Variants in CCDC7 observed in about 807,000 individuals in gnomAD.
The protein encoded by CCDC7 is coiled-coil domain-containing protein 7.
A neutral mutation model predicts 196.9 loss-of-function variants in CCDC7; 183 were observed. That is an observed-to-expected ratio of 0.93 (90% CI 0.82 to 1.05). The LOEUF is 1.05. CCDC7 is among the 50% of genes least tolerant of loss of function. The probability of loss-of-function intolerance (pLI) is 0.00; values close to 1 mark genes in which losing one functional copy is unlikely to be tolerated. For missense variants in CCDC7, 1,540 were observed against 1,482.2 expected (o/e 1.04, Z -0.64); for synonymous variants, 525 against 484.6 (o/e 1.08, Z -1.10).
At chr10:32,781,650 C>G (rs1372635311) in intron 29 of CCDC7, among the ~76,000 whole-genome samples, 1 of 152,136 alleles carries the variant, frequency 6.6e-6, no homozygotes, top group Non-Finnish European at 1.5e-5. Flanking sequence ...TAGAGCACTT[C>G]CACATCATGA....
At chr10:32,614,098 G>A (rs1337649803) in intron 18 of CCDC7, among the ~76,000 whole-genome samples, 1 of 152,056 alleles carries the variant, frequency 6.6e-6, no homozygotes, top group Non-Finnish European at 1.5e-5. Context: ...TCCTGTATTG[G>A]GTGAATATAT....
chr10:32,626,560 A>G (rs2064077346), intron 18 of CCDC7, among the ~76,000 whole-genome samples: 1 of 151,886 alleles, frequency 6.6e-6, no homozygotes, highest in Non-Finnish European at 1.5e-5. Flanking sequence ...GAAACTTTTC[A>G]ATTTTATGTA....
chr10:32,741,820 T>C (rs1429352968), intron 28 of CCDC7, among the ~76,000 whole-genome samples: 1 of 152,238 alleles, frequency 6.6e-6, no homozygotes, highest in African/African-American at 2.4e-5. Flanking sequence ...TGTGTGATTT[T>C]GTCAATATTT....
intron 30 of CCDC7, among the ~76,000 whole-genome samples, chr10:32,812,477 T>C (rs2087376793): frequency 6.6e-6 from 1 of 152,080 alleles, no homozygotes; most frequent in Admixed American, 6.5e-5. Context: ...GGAATACAGC[T>C]ATATGGGAGT....
chr10:32,797,253 A>G (rs190254091), intron 29 of CCDC7, among the ~76,000 whole-genome samples: 17 of 150,978 alleles, frequency 1.1e-4, no homozygotes, highest in Admixed American at 1.1e-3. Flanking sequence ...GCGTATATAT[A>G]TGTGTGTATA....
At chr10:32,684,402 G>T (rs2076226556) in intron 21 of CCDC7, among the ~76,000 whole-genome samples, 1 of 152,106 alleles carries the variant, frequency 6.6e-6, no homozygotes, top group Admixed American at 6.5e-5. Context: ...GATCTCTTGT[G>T]CCTAGGTTTG....
upstream of CCDC7, among the ~76,000 whole-genome samples, chr10:32,445,131 G>T (rs1413656029): frequency 6.6e-6 from 1 of 152,168 alleles, no homozygotes; most frequent in Non-Finnish European, 1.5e-5. Flanking sequence ...GGGATTACAG[G>T]TGCGAGCCAC....
At chr10:32,784,382 A>G (rs911681882) in intron 29 of CCDC7, among the ~76,000 whole-genome samples, 1 of 151,958 alleles carries the variant, frequency 6.6e-6, no homozygotes, top group Non-Finnish European at 1.5e-5. Flanking sequence ...CGCACACCCC[A>G]CGGCCCTCTG....
chr10:32,774,451 A>C (rs1592623140), intron 28 of CCDC7, among the ~76,000 whole-genome samples: 1 of 152,214 alleles, frequency 6.6e-6, no homozygotes, highest in African/African-American at 2.4e-5. Context: ...ACTGGGAACC[A>C]TGTGTCTAGG....
chr10:32,867,238 T>C (rs2094232612), intron 41 of CCDC7, among the ~76,000 whole-genome samples: 1 of 151,744 alleles, frequency 6.6e-6, no homozygotes, highest in African/African-American at 2.4e-5. Context: ...TTAAATTTCC[T>C]ATTTTTGGTA....
At chr10:32,739,115 G>A (rs989676867) in intron 28 of CCDC7, among the ~76,000 whole-genome samples, 6 of 151,928 alleles carry the variant, frequency 3.9e-5, no homozygotes, top group Non-Finnish European at 8.8e-5. Context: ...ATTAGGTCTA[G>A]ACATTTTTGC....
intron 13 of CCDC7, among the ~76,000 whole-genome samples, chr10:32,548,644 A>G (rs1451507367): frequency 6.6e-6 from 1 of 152,148 alleles, no homozygotes; most frequent in East Asian, 1.9e-4. Context: ...ATTATATCCT[A>G]CAGTGAGAAC....
chr10:32,500,826 C>G (rs1589243768), intron 9 of CCDC7, among the ~76,000 whole-genome samples: 1 of 152,232 alleles, frequency 6.6e-6, no homozygotes, highest in South Asian at 2.1e-4. Context: ...AGGCAGATCA[C>G]TCGCGGTCAG....
intron 28 of CCDC7, among the ~76,000 whole-genome samples, chr10:32,744,095 A>T (rs1277980911): frequency 1.3e-5 from 2 of 151,700 alleles, no homozygotes; most frequent in East Asian, 3.9e-4. Flanking sequence ...TATGTAACAA[A>T]CCTGCACATT....
chr10:32,695,235 T>C (rs993608328), intron 24 of CCDC7, among the ~76,000 whole-genome samples: 1 of 152,226 alleles, frequency 6.6e-6, no homozygotes, highest in African/African-American at 2.4e-5. Context: ...TAAAAATCAT[T>C]AGTCTGTCAA....
chr10:32,615,612 A>C (rs1403155752), intron 18 of CCDC7, among the ~76,000 whole-genome samples: 1 of 151,546 alleles, frequency 6.6e-6, no homozygotes, highest in Non-Finnish European at 1.5e-5. Context: ...TTTTTTTCTT[A>C]TTCTGTAGGT....
intron 29 of CCDC7, 116 bp downstream of exon 30, chr10:32,779,200 T>G: frequency 1.4e-6 from 1 of 738,838 alleles, no homozygotes; most frequent in South Asian, 2.3e-5. Flanking sequence ...CTTTCTCAAC[T>G]TAAGTTCATT....
At chr10:32,584,668 G>A (rs1377553938) in intron 18 of CCDC7, among the ~76,000 whole-genome samples, 1 of 142,754 alleles carries the variant, frequency 7.0e-6, no homozygotes, top group African/African-American at 2.7e-5. Context: ...CAGGAGAATC[G>A]CTTGAACCCA....
intron 28 of CCDC7, 69 bp from the exon 30 acceptor site, chr10:32,778,908 C>T: frequency 9.3e-7 from 1 of 1,077,102 alleles, no homozygotes; most frequent in Non-Finnish European, 1.4e-6. Flanking sequence ...TGGTTACATG[C>T]ATTGCTAGGT....
Sources: allele counts gnomAD v4.1 joint callset (sites outside exome capture counted in the v4.1 genomes callset), GRCh38; gene constraint gnomAD v4.1.1; transcripts MANE v1.5; gene names NCBI Gene and HGNC (gene_info 2026-07-23, HGNC 2026-07-21).